Variants in PTPRM observed in about 807,000 individuals in gnomAD.
The protein encoded by PTPRM is protein tyrosine phosphatase receptor type M.
Under a neutral mutation model 186.7 loss-of-function variants are expected in PTPRM, and 47 were observed. The ratio of observed to expected loss-of-function variants is 0.25; its 90% CI spans 0.20 to 0.32. The LOEUF (loss-of-function observed/expected upper bound fraction) is 0.32, where lower values mean the gene tolerates loss of function less well. Ranked by LOEUF, PTPRM falls within the 10% of genes least tolerant of loss-of-function variation. The probability of loss-of-function intolerance (pLI) is 1.00; values close to 1 mark genes in which losing one functional copy is unlikely to be tolerated. For synonymous variants in PTPRM, 668 were observed against 674.9 expected, an observed-to-expected ratio of 0.99 and a Z score of 0.16; for missense variants, 1,494 against 1,865.0, an observed-to-expected ratio of 0.80 and a Z score of 3.66.
intron 7 of PTPRM, among the ~76,000 whole-genome samples, chr18:7,959,005 C>T (rs934520835): frequency 6.6e-6 from 1 of 152,140 alleles, no homozygotes; most frequent in Non-Finnish European, 1.5e-5. Context: ...CTCTGCCTGG[C>T]ACTAGACATA....
intron 19 of PTPRM, among the ~76,000 whole-genome samples, chr18:8,279,725 G>C (rs1334994211): frequency 2.0e-5 from 3 of 152,168 alleles, no homozygotes; most frequent in Non-Finnish European, 4.4e-5. Flanking sequence ...GATGCTCAGA[G>C]AAGCAGAGAT....
At chr18:7,990,026 T>C (rs1051832205) in intron 7 of PTPRM, among the ~76,000 whole-genome samples, 1 of 152,004 alleles carries the variant, frequency 6.6e-6, no homozygotes, top group African/African-American at 2.4e-5. Context: ...GCCTCAGCCT[T>C]CCAAGTAGCT....
chr18:7,823,893 A>G (rs555618516), intron 2 of PTPRM, among the ~76,000 whole-genome samples: 4 of 152,056 alleles, frequency 2.6e-5, no homozygotes, highest in Admixed American at 2.0e-4. Flanking sequence ...TCATCTGTAC[A>G]TCTATCCTAC....
chr18:7,585,903 C>T (rs2036966789), intron 1 of PTPRM, among the ~76,000 whole-genome samples: 1 of 152,182 alleles, frequency 6.6e-6, no homozygotes, highest in African/African-American at 2.4e-5. Flanking sequence ...TATATCTAAT[C>T]AGCACTGAAG....
At chr18:8,068,791 G>A (rs2089263707) in intron 7 of PTPRM, among the ~76,000 whole-genome samples, 1 of 152,188 alleles carries the variant, frequency 6.6e-6, no homozygotes. Flanking sequence ...TAAAACACAT[G>A]TATCAGTATT....
intron 1 of PTPRM, among the ~76,000 whole-genome samples, chr18:7,639,533 C>T (rs765830433): frequency 6.6e-6 from 1 of 151,590 alleles, no homozygotes; most frequent in Non-Finnish European, 1.5e-5. Flanking sequence ...ATTACAGGCA[C>T]CTGCCACCAC....
intron 20 of PTPRM, among the ~76,000 whole-genome samples, chr18:8,311,802 A>G (rs2095270689): frequency 1.3e-5 from 2 of 152,158 alleles, no homozygotes; most frequent in Non-Finnish European, 2.9e-5. Context: ...TCTACTTCAG[A>G]GGCTCTGTTG....
chr18:8,150,331 C>G (rs1255830949), intron 14 of PTPRM, among the ~76,000 whole-genome samples: 1 of 152,132 alleles, frequency 6.6e-6, no homozygotes, highest in Non-Finnish European at 1.5e-5. Context: ...TTCTTGGAGG[C>G]TTTGTTAGTT....
At chr18:7,588,879 T>C (rs1004515645) in intron 1 of PTPRM, among the ~76,000 whole-genome samples, 1 of 152,172 alleles carries the variant, frequency 6.6e-6, no homozygotes, top group Non-Finnish European at 1.5e-5. Context: ...TGCTTTACTT[T>C]TGCTCTGTTG....
At chr18:7,656,971 AG>A (rs1304244617) in intron 1 of PTPRM, among the ~76,000 whole-genome samples, 5 of 152,100 alleles carry the variant, frequency 3.3e-5, no homozygotes, top group African/African-American at 1.2e-4. Flanking sequence ...GTGGATGTGT[AG>A]GAAGCAGAGG....
rs186926176 is a variant in PTPRM at position 8,220,341 on chromosome 18, A to G, written c.2301-23717A>G. On this transcript the variant is annotated intron_variant, in intron 14 of 32. Transcript: ENST00000580170. ...TTTTTTGAGCATGCAGACATTACAT[A>G]ATGCAAGCCATTTATCAGAGTTCTT... Among the ~76,000 whole-genome samples the G allele has an allele frequency of 2.0e-3, 309 of 152,338 alleles. 2 individuals carry two copies. Among genetic ancestry groups the G allele is most frequent in the Non-Finnish European group, 3.6e-3 (245 of 68,026 alleles).
chr18:7,822,791 C>T (rs768478577), intron 2 of PTPRM, among the ~76,000 whole-genome samples: 1 of 152,198 alleles, frequency 6.6e-6, no homozygotes, highest in Non-Finnish European at 1.5e-5. Flanking sequence ...TGCTTAGCCT[C>T]TCATGGCTTC....
At chr18:8,046,283 TG>T in intron 7 of PTPRM, among the ~76,000 whole-genome samples, 1 of 152,332 alleles carries the variant, frequency 6.6e-6, no homozygotes, top group East Asian at 1.9e-4. Context: ...CATAGCAGCA[TG>T]AGAACAGACT....
intron 7 of PTPRM, among the ~76,000 whole-genome samples, chr18:8,018,605 C>A (rs2085020726): frequency 6.6e-6 from 1 of 152,124 alleles, no homozygotes; most frequent in South Asian, 2.1e-4. Context: ...GGAAAAGTAT[C>A]TGAGTGTAAA....
intron 14 of PTPRM, among the ~76,000 whole-genome samples, chr18:8,187,407 C>T (rs931898402): frequency 3.3e-5 from 5 of 152,116 alleles, no homozygotes; most frequent in African/African-American, 9.7e-5. Context: ...ACTGGTAGAG[C>T]GGGCAAAGCC....
intron 2 of PTPRM, among the ~76,000 whole-genome samples, chr18:7,868,362 C>G (rs903790487): frequency 1.6e-4 from 25 of 152,088 alleles, no homozygotes; most frequent in African/African-American, 5.8e-4. Flanking sequence ...TGTTGGTTGG[C>G]CTTTGTATGG....
rs190735119 is a variant in PTPRM at position 8,067,913 on chromosome 18, T to C, written c.1133-1773T>C. Among the ~76,000 whole-genome samples, 220 of 152,304 alleles carry C rather than the reference T, an allele frequency of 1.4e-3. 1 individual carries two copies. Among genetic ancestry groups the C allele is most frequent in the African/African-American group, 5.1e-3 (211 of 41,570 alleles). ...TTAAATTCATTGGATCTTTATTATA[T>C]TGTACATTCTTTGGTCATGTTTTAG... On this transcript the variant is annotated intron_variant, in intron 7 of 32. Coordinates refer to ENST00000580170, the MANE Select transcript of PTPRM (RefSeq NM_001105244.2).
intron 1 of PTPRM, among the ~76,000 whole-genome samples, chr18:7,709,162 A>T (rs1174127808): frequency 6.6e-6 from 1 of 152,152 alleles, no homozygotes; most frequent in African/African-American, 2.4e-5. Flanking sequence ...ATGATAGACC[A>T]CAAAACAAGT....
intron 7 of PTPRM, among the ~76,000 whole-genome samples, chr18:8,050,432 GTATGAA>G (rs199719015): frequency 6.6e-6 from 1 of 151,798 alleles, no homozygotes; most frequent in African/African-American, 2.4e-5. Context: ...TGTAGTTTAA[GTATGAA>G]TATGAATATG....
Sources: gnomAD v4.1 joint callset for allele counts (sites outside exome capture counted in the v4.1 genomes callset) on GRCh38, gnomAD v4.1.1 for gene constraint, MANE v1.5 for transcripts, NCBI Gene and HGNC (gene_info 2026-07-23, HGNC 2026-07-21) for gene names.